Variants in PTP4A2 observed in about 807,000 individuals in gnomAD.
PTP4A2 encodes protein tyrosine phosphatase 4A2.
Under a neutral mutation model 22.9 loss-of-function variants are expected in PTP4A2, and 2 were observed. That is an observed-to-expected ratio of 0.09 (90% CI 0.04 to 0.27). The LOEUF is 0.27. PTP4A2 is among the 10% of genes least tolerant of loss of function. The pLI is 1.00. For synonymous variants in PTP4A2, 68 were observed against 69.1 expected (o/e 0.98, Z 0.08); for missense variants, 103 against 205.1 (o/e 0.50, Z 3.04).
intron 1 of PTP4A2, among the ~76,000 whole-genome samples, chr1:31,922,618 C>CTTTCT (rs1652226857): frequency 7.4e-6 from 1 of 135,562 alleles, no homozygotes; most frequent in Admixed American, 6.8e-5. Flanking sequence ...TTCTTTCTTT[C>CTTTCT]TTTCTTTCTT....
At chr1:31,916,878 A>G (rs1236900731) in intron 2 of PTP4A2, among the ~76,000 whole-genome samples, 3 of 152,216 alleles carry the variant, frequency 2.0e-5, no homozygotes, top group African/African-American at 7.2e-5. Flanking sequence ...TAACAATTAA[A>G]TGTTGTTAAA....
intron 2 of PTP4A2, 81 bp downstream of exon 2, chr1:31,918,889 A>C: frequency 1.2e-6 from 1 of 833,658 alleles, no homozygotes; most frequent in Non-Finnish European, 2.0e-6. Context: ...ATACAGAATA[A>C]ATGGCTTTGT....
Position 31,918,248 on chromosome 1 carries a change from CA to C in PTP4A2, c.96+721del, listed in dbSNP as rs111227977. 6.0e-3 allele frequency among the ~76,000 whole-genome samples: 629 copies of C among 105,100 alleles called. 5 individuals carry two copies. The highest frequency in any genetic ancestry group is 0.016 in the South Asian group (54 of 3,290). 68.9% of individuals were successfully genotyped at this position (105,100 alleles called of 152,430 possible). ...TGGCGAAGAGCGAGACTCCATCTCC[CA>C]AAAAAAAAAAAAAACTTATGTTCAA... On this transcript the variant is annotated intron_variant, in intron 2 of 5. Coordinates refer to ENST00000647444, the MANE Select transcript of PTP4A2 (RefSeq NM_080391.4).
At chr1:31,914,117 A>G (rs1250057937) in intron 3 of PTP4A2, 2 of 384,818 alleles carry the variant, frequency 5.2e-6, no homozygotes, top group East Asian at 1.4e-4. Context: ...CCCAAGCTGG[A>G]GCACAGCAGC....
intron 1 of PTP4A2, among the ~76,000 whole-genome samples, chr1:31,925,668 G>C (rs1164432342): frequency 6.6e-6 from 1 of 151,892 alleles, no homozygotes; most frequent in Admixed American, 6.6e-5. Context: ...GCTGAGGCAG[G>C]AGAATGGCGT....
At chr1:31,911,099 G>C (rs1231649038) in intron 4 of PTP4A2, 5 of 152,184 alleles carry the variant, frequency 3.3e-5, no homozygotes, top group Admixed American at 3.3e-4. Context: ...CTACAAAAAA[G>C]GAAATAGCAA....
chr1:31,927,890 T>C (rs1483318640), intron 1 of PTP4A2, among the ~76,000 whole-genome samples: 1 of 152,118 alleles, frequency 6.6e-6, no homozygotes, highest in Non-Finnish European at 1.5e-5. Flanking sequence ...CTATTGTATT[T>C]TGACCACTTG....
At chr1:31,925,892 T>G (rs1652429972) in intron 1 of PTP4A2, among the ~76,000 whole-genome samples, 1 of 151,992 alleles carries the variant, frequency 6.6e-6, no homozygotes, top group Non-Finnish European at 1.5e-5. Flanking sequence ...ATGCCTGTAA[T>G]CCCAGCACTC....
rs575387964 is a variant in PTP4A2, at chr1:31,909,855, G to C, written c.395+183C>G. On this transcript the variant is annotated intron_variant, in intron 5 of 5. Transcript: ENST00000647444. ...ATAATGTCCAAATTAGAAAACTTTTGAATCTGGAAACCAGCTGTACTGAGT... is the reference window on the plus strand; with the variant it reads ...ATAATGTCCAAATTAGAAAACTTTTCAATCTGGAAACCAGCTGTACTGAGT... 2.2e-4 allele frequency among the ~76,000 whole-genome samples: 34 copies of C among 152,202 alleles called. No homozygotes were observed. In the South Asian group the frequency reaches 5.8e-3, roughly 26 times the overall value.
chr1:31,907,059 GTTTA>G lies in PTP4A2; in HGVS notation c.*1789_*1792del, dbSNP rs1651210206. The G allele has an allele frequency of 6.6e-6, 1 of 152,086 alleles. No homozygotes were observed. The highest frequency in any genetic ancestry group is 6.6e-5 in the Admixed American group (1 of 15,258). The allele number at this position is 152,086 out of a possible 1,614,324, so 9.4% of individuals were successfully genotyped here. A position where few individuals can be genotyped will look rare whatever the true frequency, so the allele number is the denominator to read the frequency against. The stretch of plus-strand genomic sequence containing the variant: ...GAGAGGAGAGAATCTACAGATTTGC[GTTTA>G]GTTAAAAATCAAAACTCCAGCATAG... On this transcript the variant is annotated 3_prime_UTR_variant, in exon 6 of 6. Transcript: ENST00000647444.
At chr1:31,927,938 C>A (rs1437902341) in intron 1 of PTP4A2, among the ~76,000 whole-genome samples, 1 of 152,008 alleles carries the variant, frequency 6.6e-6, no homozygotes, top group African/African-American at 2.4e-5. Context: ...AACTAAAAAA[C>A]CTCACCTTTA....
Position 31,910,470 on chromosome 1 carries a change from ATAGT to A in PTP4A2, c.321-362_321-359del, listed in dbSNP as rs535322581. ...ATGCCCAGCTAATTTTTGATTTTTA[ATAGT>A]TAGTAGAGACGGGGTTTCTCCGTGT... On this transcript the variant is annotated intron_variant, in intron 4 of 5. Transcript: ENST00000647444. 3.7e-3 allele frequency: 661 copies of A among 176,544 alleles called. 3 individuals are homozygous for A. The highest frequency in any genetic ancestry group is 0.015 in the African/African-American group (626 of 42,304). 10.9% of individuals were successfully genotyped at this position (176,544 alleles called of 1,614,324 possible).
At chr1:31,910,424 G>A (rs766115408) in intron 4 of PTP4A2, 42 of 210,722 alleles carry the variant, frequency 2.0e-4, no homozygotes, top group African/African-American at 7.3e-4. Context: ...CAAATAGCTC[G>A]GACTATAGGT....
At chr1:31,928,968 G>T (rs1432812015) in intron 1 of PTP4A2, among the ~76,000 whole-genome samples, 1 of 152,164 alleles carries the variant, frequency 6.6e-6, no homozygotes, top group Non-Finnish European at 1.5e-5. Context: ...GTTATTCACT[G>T]AAGTCCTGTG....
chr1:31,911,669 A>C (rs1292738740), intron 4 of PTP4A2, 27 bp downstream of exon 4: 39 of 1,536,038 alleles, frequency 2.5e-5, no homozygotes, highest in Non-Finnish European at 3.3e-5. Context: ...AATTCAGACA[A>C]AAAGGGTAAT....
intron 1 of PTP4A2, among the ~76,000 whole-genome samples, chr1:31,934,227 CA>C: frequency 6.6e-6 from 1 of 152,278 alleles, no homozygotes; most frequent in Middle Eastern, 3.4e-3. Flanking sequence ...CACTGCACTC[CA>C]GCCTGGGCAA....
chr1:31,914,173 C>A (rs1003410938), intron 3 of PTP4A2: 33 of 420,122 alleles, frequency 7.9e-5, no homozygotes, highest in African/African-American at 6.3e-4. Flanking sequence ...TTCAGGTGAT[C>A]CTCCCACCTC....
chr1:31,914,413 C>G (rs767258253), intron 3 of PTP4A2: 1 of 375,114 alleles, frequency 2.7e-6, no homozygotes, highest in South Asian at 2.0e-5. Flanking sequence ...TTTTTATTTT[C>G]ACCAAAATGG....
chr1:31,911,121 G>C (rs1651513485), intron 4 of PTP4A2: 1 of 152,288 alleles, frequency 6.6e-6, no homozygotes, highest in South Asian at 2.1e-4. Flanking sequence ...CAAAAGGGCA[G>C]AGCAGAACTA....
Sources: allele counts gnomAD v4.1 joint callset (sites outside exome capture counted in the v4.1 genomes callset), GRCh38; gene constraint gnomAD v4.1.1; transcripts MANE v1.5; gene names NCBI Gene and HGNC (gene_info 2026-07-23, HGNC 2026-07-21).